Variants in ZFHX3 observed in about 807,000 individuals in gnomAD.
ZFHX3 encodes the protein zinc finger homeobox 3.
Under a neutral mutation model 279.1 loss-of-function variants are expected in ZFHX3, and 42 were observed. The observed-to-expected ratio is 0.15, with a 90% CI of 0.12 to 0.19. ZFHX3 has a LOEUF of 0.19. ZFHX3 is among the 10% of genes least tolerant of loss of function. The pLI, the probability that ZFHX3 is intolerant of heterozygous loss-of-function variation, is 1.00. For missense variants in ZFHX3, 4,981 were observed against 4,754.0 expected, an observed-to-expected ratio of 1.05 and a Z score of -1.40; for synonymous variants, 2,293 against 1,957.8, an observed-to-expected ratio of 1.17 and a Z score of -4.52.
At chr16:72,861,976 C>T (rs2037902058) in intron 4 of ZFHX3, among the ~76,000 whole-genome samples, 1 of 152,184 alleles carries the variant, frequency 6.6e-6, no homozygotes, top group Non-Finnish European at 1.5e-5. Flanking sequence ...GATCATGCCA[C>T]TGCACTCTAG....
At chr16:73,702,419 C>T (rs957194443) in intron 1 of ZFHX3, among the ~76,000 whole-genome samples, 12 of 152,098 alleles carry the variant, frequency 7.9e-5, no homozygotes, top group African/African-American at 2.2e-4. Flanking sequence ...TGATGAGTGG[C>T]GGTGTTTTCT....
intron 7 of ZFHX3, among the ~76,000 whole-genome samples, chr16:73,104,292 G>A (rs569237310): frequency 6.6e-5 from 10 of 152,106 alleles, no homozygotes; most frequent in East Asian, 3.9e-4. Flanking sequence ...GTGCAGTAGC[G>A]CGATCTTAGT....
intron 5 of ZFHX3, among the ~76,000 whole-genome samples, chr16:73,201,131 T>G (rs1267970862): frequency 6.6e-6 from 1 of 152,206 alleles, no homozygotes; most frequent in Non-Finnish European, 1.5e-5. Context: ...TTGTCTACAG[T>G]GATGGACATG....
At chr16:73,820,522 T>A (rs143869683) in intron 1 of ZFHX3, among the ~76,000 whole-genome samples, 13 of 152,110 alleles carry the variant, frequency 8.5e-5, no homozygotes, top group Non-Finnish European at 1.6e-4. Flanking sequence ...TCTGGTCAAC[T>A]GCACATTGAG....
rs115787566 is a variant in ZFHX3 at position 73,587,535 on chromosome 16, A to G, written c.-1547+92645T>C. Among the ~76,000 whole-genome samples the G allele has an allele frequency of 6.5e-3, 996 of 152,278 alleles. 16 individuals carry two copies. Among genetic ancestry groups the G allele is most frequent in the African/African-American group, 0.023 (939 of 41,544 alleles). ...TTGGCTGTTACCAGACACATTCCCA[A>G]ATGTTTGCATGCCAACACTCCACCA... On this transcript the variant is annotated intron_variant, in intron 2 of 17. Coordinates refer to the ZFHX3 transcript ENST00000641206.
intron 2 of ZFHX3, among the ~76,000 whole-genome samples, chr16:73,502,438 G>A (rs2019255676): frequency 6.6e-6 from 1 of 152,178 alleles, no homozygotes; most frequent in African/African-American, 2.4e-5. Context: ...TCAGAAATGG[G>A]CCCCTGATCC....
chr16:73,257,078 G>A (rs1239223571), exon 5 of ZFHX3: 2 of 152,198 alleles, frequency 1.3e-5, no homozygotes. Flanking sequence ...GATGAAGATA[G>A]CAAGGACTCA....
At chr16:73,868,491 T>A (rs1962086176) in intron 1 of ZFHX3, among the ~76,000 whole-genome samples, 1 of 152,224 alleles carries the variant, frequency 6.6e-6, no homozygotes, top group African/African-American at 2.4e-5. Context: ...GCCACTGCAC[T>A]CCAGCCTGGG....
intron 6 of ZFHX3, among the ~76,000 whole-genome samples, chr16:73,136,115 TA>T (rs1966785900): frequency 6.6e-6 from 1 of 152,150 alleles, no homozygotes; most frequent in African/African-American, 2.4e-5. Context: ...CTCGGCCTCC[TA>T]AAGTGCTGGG....
At chr16:72,845,077 T>C (rs1434895466) in intron 4 of ZFHX3, among the ~76,000 whole-genome samples, 2 of 152,054 alleles carry the variant, frequency 1.3e-5, no homozygotes, top group Non-Finnish European at 2.9e-5. Flanking sequence ...TGCTCCTCCG[T>C]GTGGCGGAAA....
intron 7 of ZFHX3, among the ~76,000 whole-genome samples, chr16:73,101,350 G>C (rs370444930): frequency 4.6e-5 from 7 of 152,058 alleles, no homozygotes; most frequent in African/African-American, 7.2e-5. Context: ...ATTGTCTTTT[G>C]GCACAAGTAA....
At chr16:73,024,831 C>A (rs540293374) in intron 1 of ZFHX3, among the ~76,000 whole-genome samples, 2 of 152,314 alleles carry the variant, frequency 1.3e-5, no homozygotes, top group Non-Finnish European at 1.5e-5. Context: ...ACAGGAGGAC[C>A]AGAGGGTCTG....
chr16:72,931,566 TAAAAAA>T (rs35230717), intron 3 of ZFHX3, among the ~76,000 whole-genome samples: 2 of 131,144 alleles, frequency 1.5e-5, no homozygotes, highest in Non-Finnish European at 3.3e-5. Context: ...ATGCACCATT[TAAAAAA>T]AAAAAAAAAA....
chr16:73,744,971 A>G (rs2053690699), intron 1 of ZFHX3, among the ~76,000 whole-genome samples: 1 of 152,188 alleles, frequency 6.6e-6, no homozygotes, highest in Non-Finnish European at 1.5e-5. Context: ...ACTTCAGTGG[A>G]CTTGGTAGAA....
intron 1 of ZFHX3, among the ~76,000 whole-genome samples, chr16:73,821,769 A>G (rs1315514494): frequency 1.3e-5 from 2 of 152,238 alleles, no homozygotes; most frequent in African/African-American, 4.8e-5. Context: ...CAGCAGACAT[A>G]TGATAGAAAG....
At chr16:73,701,927 C>T (rs1185470475) in intron 1 of ZFHX3, among the ~76,000 whole-genome samples, 1 of 151,336 alleles carries the variant, frequency 6.6e-6, no homozygotes, top group Non-Finnish European at 1.5e-5. Flanking sequence ...TCACTGCACC[C>T]GTAAAAAAAG....
intron 5 of ZFHX3, among the ~76,000 whole-genome samples, chr16:73,198,794 A>T (rs567188417): frequency 6.6e-6 from 1 of 152,284 alleles, no homozygotes; most frequent in African/African-American, 2.4e-5. Context: ...TGCAGGAGGG[A>T]AGCAAGTTCT....
intron 3 of ZFHX3, among the ~76,000 whole-genome samples, chr16:72,898,339 TC>T (rs938293937): frequency 1.3e-5 from 2 of 152,200 alleles, no homozygotes; most frequent in African/African-American, 4.8e-5. Context: ...GTTTCTGGTT[TC>T]TAGGCCAGGC....
In ZFHX3 at chr16:72,797,661, G is replaced by A. The variant is rs1231624603; in HGVS notation, c.5021C>T (p.Ala1674Val). ...TTSNPSSAGI[A>V]PSSNLLSQVP... Reference sequence around the variant, plus strand: ...TTGGCTTAGTAAGTTAGAGCTTGGAGCAATGCCAGCACTGCTTGGATTGGA... The same window carrying A: ...TTGGCTTAGTAAGTTAGAGCTTGGAACAATGCCAGCACTGCTTGGATTGGA... Residue 1674 changes from alanine (A) to valine (V), a missense_variant, in exon 9 of 10, where the codon GCT (alanine) becomes GTT (valine). Coordinates refer to ENST00000268489, the MANE Select transcript of ZFHX3 (RefSeq NM_006885.4). The A allele has an allele frequency of 6.2e-7, 1 of 1,614,074 alleles. No homozygotes were observed. The highest frequency in any genetic ancestry group is 8.5e-7 in the Non-Finnish European group (1 of 1,180,052).
Sources: gnomAD v4.1 joint callset for allele counts (sites outside exome capture counted in the v4.1 genomes callset) on GRCh38, gnomAD v4.1.1 for gene constraint, MANE v1.5 for transcripts, NCBI Gene and HGNC (gene_info 2026-07-23, HGNC 2026-07-21) for gene names.